Variants in NFATC3 observed in about 807,000 individuals in gnomAD.
The protein encoded by NFATC3 is nuclear factor of activated T cells 3, also known as nuclear factor of activated T-cells, cytoplasmic 3.
In NFATC3, 46 loss-of-function variants were observed where a neutral mutation model predicts 98.6. That is an observed-to-expected ratio of 0.47 (90% CI 0.37 to 0.60). The LOEUF (loss-of-function observed/expected upper bound fraction) is 0.60, where lower values mean the gene tolerates loss of function less well. Among genes scored for constraint, NFATC3 ranks in the 20% least tolerant of loss-of-function variants. NFATC3 has a pLI of 0.00. For synonymous variants in NFATC3, 512 were observed against 472.2 expected, an observed-to-expected ratio of 1.08 and a Z score of -1.09; for missense variants, 1,256 against 1,295.5, an observed-to-expected ratio of 0.97 and a Z score of 0.47.
intron 3 of NFATC3, among the ~76,000 whole-genome samples, chr16:68,132,007 T>C (rs1405446429): frequency 6.6e-6 from 1 of 152,222 alleles, no homozygotes; most frequent in Admixed American, 6.5e-5. Context: ...TCTGCAAATA[T>C]GTTGGAATAT....
intron 1 of NFATC3, among the ~76,000 whole-genome samples, chr16:68,113,964 G>A (rs907499642): frequency 5.3e-5 from 8 of 152,166 alleles, no homozygotes; most frequent in Non-Finnish European, 1.0e-4. Flanking sequence ...CAGTGATGGC[G>A]ACTGCCCCTT....
chr16:68,206,696 T>C (rs943084866), intron 9 of NFATC3, among the ~76,000 whole-genome samples: 4 of 152,118 alleles, frequency 2.6e-5, no homozygotes, highest in Admixed American at 2.0e-4. Flanking sequence ...TGAAAAATAA[T>C]TTGGGCCTAG....
At chr16:68,143,908 A>G (rs1293592860) in intron 3 of NFATC3, among the ~76,000 whole-genome samples, 1 of 152,180 alleles carries the variant, frequency 6.6e-6, no homozygotes, top group Admixed American at 6.5e-5. Context: ...TTAGAAGAAA[A>G]CAGGAGAAAA....
At chr16:68,193,291 T>TGA (rs1193197403) in intron 9 of NFATC3, among the ~76,000 whole-genome samples, 3 of 152,102 alleles carry the variant, frequency 2.0e-5, no homozygotes, top group African/African-American at 7.2e-5. Context: ...GGTATGGACA[T>TGA]AATCATTTCT....
At chr16:68,117,951 T>G (rs2036375338) in intron 1 of NFATC3, among the ~76,000 whole-genome samples, 1 of 152,244 alleles carries the variant, frequency 6.6e-6, no homozygotes, top group Admixed American at 6.5e-5. Flanking sequence ...TTTAAAACTC[T>G]TACATGGTTT....
chr16:68,158,958 A>G (rs1377163361), intron 4 of NFATC3, among the ~76,000 whole-genome samples: 1 of 152,226 alleles, frequency 6.6e-6, no homozygotes, highest in East Asian at 1.9e-4. Context: ...GAGGCCGAGC[A>G]CCATGGCTCA....
chr16:68,089,680 A>AAAATAGGTACATG (rs1214891582), intron 1 of NFATC3: 1 of 152,234 alleles, frequency 6.6e-6, no homozygotes, highest in Non-Finnish European at 1.5e-5. Context: ...TAGGAAATTT[A>AAAATAGGTACATG]AAATAGGTAC....
chr16:68,093,078 T>C (rs1467211280), intron 1 of NFATC3, among the ~76,000 whole-genome samples: 1 of 149,190 alleles, frequency 6.7e-6, no homozygotes, highest in Non-Finnish European at 1.5e-5. Context: ...TTTTTCATTG[T>C]GCTCCACCAT....
chr16:68,179,957 G>A (rs1351648178), intron 6 of NFATC3, among the ~76,000 whole-genome samples: 1 of 152,172 alleles, frequency 6.6e-6, no homozygotes, highest in Non-Finnish European at 1.5e-5. Context: ...TACTTATTGT[G>A]AGAGTCAGCA....
At chr16:68,188,936 G>C (rs2040325473) in intron 8 of NFATC3, among the ~76,000 whole-genome samples, 1 of 152,086 alleles carries the variant, frequency 6.6e-6, no homozygotes, top group Non-Finnish European at 1.5e-5. Context: ...TCGAATTCCT[G>C]ACCTCAAGTG....
intron 9 of NFATC3, chr16:68,214,282 C>T (rs1435894045): frequency 1.4e-6 from 2 of 1,449,254 alleles, no homozygotes; most frequent in Non-Finnish European, 1.9e-6. Context: ...TTAAGTTCAC[C>T]CTCTGGTTTG....
In NFATC3 at chr16:68,085,640, G is replaced by T; in HGVS notation, c.-42G>T. 1 of 1,470,052 alleles carries T rather than the reference G, an allele frequency of 6.8e-7. No individual in the cohort carries two copies. The allele number at this position is 1,470,052 out of a possible 1,614,324, so 91.1% of individuals were successfully genotyped here. A position where few individuals can be genotyped will look rare whatever the true frequency, so the allele number is the denominator to read the frequency against. ...GCTGCCGCCGCTTGCCGCTGCCGCC[G>T]CCGCCGCCTGAGGAGGAGCTGCAGC... On this transcript the variant is annotated 5_prime_UTR_variant, in exon 1 of 10. Coordinates refer to ENST00000346183, the MANE Select transcript of NFATC3 (RefSeq NM_173165.3).
chr16:68,098,128 T>G (rs890692972), intron 1 of NFATC3, among the ~76,000 whole-genome samples: 2 of 152,080 alleles, frequency 1.3e-5, no homozygotes, highest in Non-Finnish European at 2.9e-5. Flanking sequence ...TTGGATTGTT[T>G]CCAGGTTTTG....
chr16:68,139,257 A>T (rs1681405824), intron 3 of NFATC3, among the ~76,000 whole-genome samples: 1 of 152,236 alleles, frequency 6.6e-6, no homozygotes, highest in Admixed American at 6.5e-5. Context: ...ATATAATATC[A>T]TCTACCTAAG....
chr16:68,109,062 A>G (rs1302449051), intron 1 of NFATC3, among the ~76,000 whole-genome samples: 3 of 152,054 alleles, frequency 2.0e-5, no homozygotes, highest in Non-Finnish European at 2.9e-5. Flanking sequence ...AATACCCTGT[A>G]TTTCTTTCTC....
rs1238241374 is a variant in NFATC3, at chr16:68,124,285, TG to T, written c.1238+1165del. 5.9e-5 allele frequency among the ~76,000 whole-genome samples: 9 copies of T among 152,014 alleles called. No homozygotes were observed. The South Asian group carries it at 1.7e-3, about 28-fold the overall frequency. On this transcript the variant is annotated intron_variant, in intron 2 of 9. Transcript: ENST00000346183. ...CTCAATTATTTAAAAAAATTTTTTT[TG>T]TTTTTTTTGGTAGAGATGGGGTCTT... is the stretch of plus-strand genomic sequence containing the variant.
At chr16:68,192,732 G>A (rs923988291) in intron 9 of NFATC3, among the ~76,000 whole-genome samples, 5 of 152,096 alleles carry the variant, frequency 3.3e-5, no homozygotes, top group Non-Finnish European at 2.9e-5. Flanking sequence ...GCATAGTGAT[G>A]TGGCCCTGTA....
intron 9 of NFATC3, among the ~76,000 whole-genome samples, chr16:68,215,691 T>G (rs896272726): frequency 1.1e-4 from 17 of 151,722 alleles, no homozygotes; most frequent in Non-Finnish European, 1.8e-4. Context: ...TTTATTTGCT[T>G]GCTTGCTTCT....
At chr16:68,120,318 T>A (rs1297525330) in intron 1 of NFATC3, among the ~76,000 whole-genome samples, 1 of 148,054 alleles carries the variant, frequency 6.8e-6, no homozygotes, top group African/African-American at 2.5e-5. Flanking sequence ...TGGCTCATGC[T>A]TGTAATCCTG....
Sources: gnomAD v4.1 joint callset for allele counts (sites outside exome capture counted in the v4.1 genomes callset) on GRCh38, gnomAD v4.1.1 for gene constraint, MANE v1.5 for transcripts, NCBI Gene and HGNC (gene_info 2026-07-23, HGNC 2026-07-21) for gene names.